Variants in SH3KBP1 observed in about 807,000 individuals in gnomAD.
SH3KBP1 encodes the protein SH3 domain-containing kinase-binding protein 1.
SH3KBP1 carries 8 observed loss-of-function variants against 50.1 expected under a neutral mutation model. The ratio of observed to expected loss-of-function variants is 0.16; its 90% confidence interval spans 0.09 to 0.29. SH3KBP1 has a LOEUF of 0.29. Among genes scored for constraint, SH3KBP1 ranks in the 10% least tolerant of loss-of-function variants. The pLI is 1.00. For synonymous variants in SH3KBP1, 227 were observed against 218.6 expected (o/e 1.04, Z -0.34); for missense variants, 377 against 535.2 (o/e 0.70, Z 2.92).
chrX:19,587,004 C>T (rs959906797), intron 12 of SH3KBP1, among the ~76,000 whole-genome samples: 2 of 110,654 alleles, frequency 1.8e-5, no homozygotes, highest in Non-Finnish European at 3.8e-5. Flanking sequence ...GGGTGAATCA[C>T]CCGAGGTCGG....
intron 2 of SH3KBP1, among the ~76,000 whole-genome samples, chrX:19,797,271 G>A (rs1206333785): frequency 8.9e-6 from 1 of 111,791 alleles, no homozygotes; most frequent in Admixed American, 9.5e-5. Flanking sequence ...GGCCCTGGAG[G>A]GCTGCTCAGA....
At chrX:19,863,995 C>T (rs1379490823) in intron 1 of SH3KBP1, among the ~76,000 whole-genome samples, 2 of 111,057 alleles carry the variant, frequency 1.8e-5, no homozygotes, top group South Asian at 7.6e-4. Context: ...CCTCATTCCT[C>T]GCTCGCTGGC....
At chrX:19,588,579 T>G in intron 12 of SH3KBP1, 64 bp downstream of exon 12, 3 of 1,208,549 alleles carry the variant, frequency 2.5e-6, no homozygotes, top group Non-Finnish European at 2.2e-6. Flanking sequence ...GGCAGTCAGT[T>G]CCCCTCCTGT....
At chrX:19,557,006 T>C (rs187964478) in intron 13 of SH3KBP1, among the ~76,000 whole-genome samples, 4 of 111,769 alleles carry the variant, frequency 3.6e-5, no homozygotes, top group Admixed American at 1.9e-4. Flanking sequence ...TTGAACTCCA[T>C]GTGCCAGCCA....
chrX:19,595,487 T>C (rs780053729), intron 9 of SH3KBP1, among the ~76,000 whole-genome samples: 94 of 112,665 alleles, frequency 8.3e-4, no homozygotes, highest in Non-Finnish European at 3.0e-4. Context: ...TGCCCCTTTC[T>C]ACACCGAGGC....
At chrX:19,862,384 A>ATTG (rs1160504599) in intron 1 of SH3KBP1, among the ~76,000 whole-genome samples, 1 of 112,010 alleles carries the variant, frequency 8.9e-6, no homozygotes, top group East Asian at 2.8e-4. Context: ...TATCTTCAAC[A>ATTG]TTGTTTTGTC....
chrX:19,665,088 T>TAG (rs1163036301), intron 6 of SH3KBP1, among the ~76,000 whole-genome samples: 1 of 111,726 alleles, frequency 9.0e-6, no homozygotes, highest in Non-Finnish European at 1.9e-5. Context: ...CTGCTTCTAA[T>TAG]AGAGAGAGAC....
At chrX:19,775,631 A>C (rs1165074479) in intron 2 of SH3KBP1, among the ~76,000 whole-genome samples, 1 of 111,793 alleles carries the variant, frequency 8.9e-6, no homozygotes, top group Non-Finnish European at 1.9e-5. Context: ...CACACAACTA[A>C]TTAGTCCTTG....
At chrX:19,633,774 T>C (rs1339375527) in intron 7 of SH3KBP1, among the ~76,000 whole-genome samples, 1 of 111,914 alleles carries the variant, frequency 8.9e-6, no homozygotes, top group Non-Finnish European at 1.9e-5. Flanking sequence ...ATAGAGACTG[T>C]TGGTTAACAT....
chrX:19,754,116 C>T (rs749245605), intron 2 of SH3KBP1, among the ~76,000 whole-genome samples: 1 of 112,310 alleles, frequency 8.9e-6, no homozygotes, highest in East Asian at 2.8e-4. Context: ...CATATACTTG[C>T]AGTATTATCT....
intron 2 of SH3KBP1, among the ~76,000 whole-genome samples, chrX:19,811,524 C>T (rs2067207975): frequency 1.8e-5 from 2 of 112,222 alleles, no homozygotes; most frequent in Admixed American, 1.9e-4. Flanking sequence ...CAAACATGTC[C>T]AGCTTTGCTA....
At position 19,640,211 on chromosome X, in the gene SH3KBP1, C is replaced by T. The variant is rs183840142; in HGVS notation, c.802+5189G>A. 2.7e-5 allele frequency among the ~76,000 whole-genome samples: 3 copies of T among 111,867 alleles called. No homozygotes were observed. In the Admixed American group the frequency reaches 2.8e-4, roughly 11 times the overall value. On this transcript the variant is annotated intron_variant, in intron 7 of 17. Transcript: ENST00000397821. ...AAAAATTATATCAGGAAGAATGAAA[C>T]AGTCCACTCTGGCCTGAAGGCGCTA... is the stretch of plus-strand genomic sequence containing the variant.
chrX:19,743,970 A>T (rs1284143475), intron 3 of SH3KBP1, among the ~76,000 whole-genome samples: 1 of 112,549 alleles, frequency 8.9e-6, no homozygotes, highest in Non-Finnish European at 1.9e-5. Context: ...AGGGTCCAAG[A>T]CTGAATCACA....
intron 2 of SH3KBP1, among the ~76,000 whole-genome samples, chrX:19,789,463 T>C (rs1489823405): frequency 5.4e-5 from 6 of 110,876 alleles, no homozygotes; most frequent in African/African-American, 2.0e-4. Flanking sequence ...CTCACAGCTC[T>C]GAAGGCTGGA....
intron 6 of SH3KBP1, among the ~76,000 whole-genome samples, chrX:19,650,176 TAAG>T (rs2062088995): frequency 8.9e-6 from 1 of 111,954 alleles, no homozygotes; most frequent in South Asian, 3.8e-4. Context: ...GCAGCTATTA[TAAG>T]AAGAAGATGG....
intron 9 of SH3KBP1, among the ~76,000 whole-genome samples, chrX:19,607,412 C>T (rs1054396930): frequency 1.8e-5 from 2 of 112,326 alleles, no homozygotes; most frequent in African/African-American, 6.5e-5. Context: ...CAAATGGGCT[C>T]CCACAACAAA....
intron 13 of SH3KBP1, among the ~76,000 whole-genome samples, chrX:19,563,597 A>G (rs1445476251): frequency 8.9e-6 from 1 of 112,289 alleles, no homozygotes; most frequent in Non-Finnish European, 1.9e-5. Context: ...CTGTCATCAC[A>G]CTTGAGAAAT....
chrX:19,816,804 A>C (rs1438710673), intron 2 of SH3KBP1, among the ~76,000 whole-genome samples: 1 of 111,668 alleles, frequency 9.0e-6, no homozygotes, highest in Non-Finnish European at 1.9e-5. Context: ...CAAAAACAAA[A>C]AAGATTTTGT....
intron 13 of SH3KBP1, among the ~76,000 whole-genome samples, chrX:19,560,269 C>A (rs1602471731): frequency 9.2e-6 from 1 of 108,872 alleles, no homozygotes; most frequent in South Asian, 3.9e-4. Context: ...ATTATCAATT[C>A]TAGATTAAAA....
Sources: allele counts gnomAD v4.1 joint callset (sites outside exome capture counted in the v4.1 genomes callset), GRCh38; gene constraint gnomAD v4.1.1; transcripts MANE v1.5; gene names NCBI Gene and HGNC (gene_info 2026-07-23, HGNC 2026-07-21).